Variants in FGF1 observed in about 807,000 individuals in gnomAD.
FGF1 encodes the protein fibroblast growth factor 1.
Under a neutral mutation model 13.4 loss-of-function variants are expected in FGF1, and 9 were observed. The observed-to-expected ratio is 0.67, with a 90% CI of 0.40 to 1.17. The LOEUF (loss-of-function observed/expected upper bound fraction) is 1.17. Ranked by LOEUF, FGF1 falls within the 50% of genes most tolerant of loss-of-function variation. The pLI, the probability that FGF1 is intolerant of heterozygous loss-of-function variation, is 0.01. For synonymous variants in FGF1, 93 were observed against 79.0 expected (o/e 1.18, Z -0.94); for missense variants, 156 against 192.7 (o/e 0.81, Z 1.13).
At chr5:142,641,396 A>G (rs1417239155) in intron 1 of FGF1, among the ~76,000 whole-genome samples, 1 of 151,822 alleles carries the variant, frequency 6.6e-6, no homozygotes, top group Admixed American at 6.6e-5. Context: ...GTGGGGGTTA[A>G]TTTTCTATAT....
At chr5:142,651,188 T>C (rs1347185711) in intron 1 of FGF1, among the ~76,000 whole-genome samples, 1 of 151,966 alleles carries the variant, frequency 6.6e-6, no homozygotes, top group African/African-American at 2.4e-5. Context: ...TCCACCTCCT[T>C]CTTTTGGGTA....
intron 1 of FGF1, among the ~76,000 whole-genome samples, chr5:142,669,950 G>A (rs1561720938): frequency 6.6e-6 from 1 of 152,108 alleles, no homozygotes; most frequent in Non-Finnish European, 1.5e-5. Context: ...GAGCCAAGAA[G>A]TACAGGATCA....
chr5:142,628,505 G>A (rs999509178), intron 1 of FGF1, among the ~76,000 whole-genome samples: 11 of 152,290 alleles, frequency 7.2e-5, no homozygotes, highest in South Asian at 4.1e-4. Context: ...GCAAGACTCC[G>A]TCTCAAAATC....
intron 1 of FGF1, among the ~76,000 whole-genome samples, chr5:142,630,537 C>T (rs1342325988): frequency 1.3e-5 from 2 of 152,162 alleles, no homozygotes; most frequent in Non-Finnish European, 2.9e-5. Flanking sequence ...TTTCCATTTC[C>T]ATAAAGTAAA....
Position 142,674,256 on chromosome 5 carries a change from G to A in FGF1, c.-35+11701C>T, listed in dbSNP as rs534373335. Among the ~76,000 whole-genome samples the A allele has an allele frequency of 4.9e-4, 75 of 152,300 alleles. 1 individual carries two copies. In the South Asian group the frequency reaches 0.014, roughly 28 times the overall value. Reference sequence around the variant, plus strand: ...TCTTTGTTGGCCTACTTTTTCGTGTGTTATGCTCTATCTGTCACCCACTCC... The same window carrying A: ...TCTTTGTTGGCCTACTTTTTCGTGTATTATGCTCTATCTGTCACCCACTCC... On this transcript the variant is annotated intron_variant, in intron 1 of 3. Coordinates refer to ENST00000337706, the MANE Select transcript of FGF1 (RefSeq NM_000800.5).
chr5:142,631,253 T>C (rs1763332010), intron 1 of FGF1, among the ~76,000 whole-genome samples: 1 of 152,222 alleles, frequency 6.6e-6, no homozygotes, highest in African/African-American at 2.4e-5. Flanking sequence ...GAGATAATTA[T>C]TGATTCTTGC....
intron 1 of FGF1, among the ~76,000 whole-genome samples, chr5:142,642,580 G>A (rs1340625497): frequency 1.3e-5 from 2 of 152,226 alleles, no homozygotes; most frequent in African/African-American, 4.8e-5. Context: ...CTGGGTAAAG[G>A]ACAAGAATGG....
At chr5:142,689,255 A>G (rs755015894), upstream of FGF1, among the ~76,000 whole-genome samples, 1 of 152,150 alleles carries the variant, frequency 6.6e-6, no homozygotes, top group Non-Finnish European at 1.5e-5. Flanking sequence ...AATCTTAATC[A>G]GCTGACGGGA....
At chr5:142,692,727 T>G (rs1752440738) in intron 2 of FGF1, among the ~76,000 whole-genome samples, 1 of 147,312 alleles carries the variant, frequency 6.8e-6, no homozygotes, top group Non-Finnish European at 1.5e-5. Context: ...ACACACACAG[T>G]TTTACATTTA....
At chr5:142,646,053 C>T (rs796921248) in intron 1 of FGF1, among the ~76,000 whole-genome samples, 93 of 152,058 alleles carry the variant, frequency 6.1e-4, no homozygotes, top group African/African-American at 2.2e-3. Flanking sequence ...GGACTACAGG[C>T]GCCTGCCACC....
At chr5:142,601,312 T>G (rs185908435) in intron 2 of FGF1, among the ~76,000 whole-genome samples, 2 of 152,184 alleles carry the variant, frequency 1.3e-5, no homozygotes, top group Non-Finnish European at 2.9e-5. Context: ...CCGCAGATCG[T>G]TATTTTATAA....
chr5:142,684,508 G>T (rs922748153), intron 1 of FGF1, among the ~76,000 whole-genome samples: 4 of 152,218 alleles, frequency 2.6e-5, no homozygotes, highest in African/African-American at 9.7e-5. Flanking sequence ...GGCAACAGAA[G>T]AAAGTCTCTC....
intron 1 of FGF1, among the ~76,000 whole-genome samples, chr5:142,656,250 A>C (rs901735610): frequency 5.3e-5 from 8 of 150,272 alleles, no homozygotes; most frequent in Non-Finnish European, 1.0e-4. Context: ...AGAAGAGCAG[A>C]CTGTTACCTC....
upstream of FGF1, among the ~76,000 whole-genome samples, chr5:142,689,815 C>T (rs1561770702): frequency 6.7e-6 from 1 of 150,040 alleles, no homozygotes; most frequent in Non-Finnish European, 1.5e-5. Context: ...TCTCCTGCCT[C>T]AGCCTCCGGA....
At chr5:142,666,117 GA>G (rs66577862) in intron 1 of FGF1, among the ~76,000 whole-genome samples, 104,238 of 104,304 alleles carry the variant, frequency 1, 52,118 homozygotes, top group Middle Eastern at 1. Context: ...GGCACTTGCT[GA>G]AAAGTTCTCA....
intron 2 of FGF1, among the ~76,000 whole-genome samples, chr5:142,692,205 C>T (rs910012148): frequency 2.0e-5 from 3 of 152,144 alleles, no homozygotes; most frequent in African/African-American, 7.2e-5. Flanking sequence ...GGTGTGGTGG[C>T]ATGTGCCTGT....
chr5:142,674,741 A>G (rs1024255401), intron 1 of FGF1, among the ~76,000 whole-genome samples: 1 of 152,202 alleles, frequency 6.6e-6, no homozygotes, highest in Admixed American at 6.5e-5. Context: ...AAAAGACTTT[A>G]AAGTGGCCAA....
intron 1 of FGF1, among the ~76,000 whole-genome samples, chr5:142,629,897 T>TATATA (rs1192027988): frequency 6.4e-5 from 7 of 109,360 alleles, no homozygotes; most frequent in South Asian, 2.7e-4. Context: ...ATATATATAT[T>TATATA]TTTTTTTTTT....
chr5:142,625,634 A>G (rs1257143778), intron 1 of FGF1, among the ~76,000 whole-genome samples: 4 of 152,218 alleles, frequency 2.6e-5, no homozygotes, highest in Admixed American at 2.6e-4. Context: ...AGACCTGCAC[A>G]CATCTTAAAT....
Sources: allele counts gnomAD v4.1 joint callset (sites outside exome capture counted in the v4.1 genomes callset), GRCh38; gene constraint gnomAD v4.1.1; transcripts MANE v1.5; gene names NCBI Gene and HGNC (gene_info 2026-07-23, HGNC 2026-07-21).